The following SAR1B variants were observed in gnomAD, a reference collection of about 807,000 sequenced individuals.
SAR1B encodes secretion associated Ras related GTPase 1B, also known as small COPII coat GTPase SAR1B.
Under a neutral mutation model 26.8 loss-of-function variants are expected in SAR1B, and 23 were observed. The observed-to-expected ratio is 0.86, with a 90% CI of 0.62 to 1.22. The LOEUF (loss-of-function observed/expected upper bound fraction) is 1.22. Among genes scored for constraint, SAR1B ranks in the 50% most tolerant of loss-of-function variants. The pLI, the probability that SAR1B is intolerant of heterozygous loss-of-function variation, is 0.00. For missense variants in SAR1B, 196 were observed against 232.8 expected (o/e 0.84, Z 1.03); for synonymous variants, 65 against 80.8 (o/e 0.80, Z 1.05).
At chr5:134,615,119 TG>T in intron 3 of SAR1B, among the ~76,000 whole-genome samples, 1 of 149,598 alleles carries the variant, frequency 6.7e-6, no homozygotes, top group African/African-American at 2.5e-5. Flanking sequence ...GAGGCCGAGA[TG>T]GGCAGATCAC....
rs904262565 is a variant in SAR1B, at chr5:134,612,763, A to G, written c.179-7T>C. Reference sequence around the variant, plus strand: ...ATGGTCAGTTCTTCGGAAGCTAAATAAGATTTTAAAATATTTTTACATGAA... The same window carrying G: ...ATGGTCAGTTCTTCGGAAGCTAAATGAGATTTTAAAATATTTTTACATGAA... On this transcript the variant is annotated splice_polypyrimidine_tract_variant and splice_region_variant and intron_variant, in intron 3 of 6. Transcript: ENST00000402673. 2 of 1,588,812 alleles carry G rather than the reference A, an allele frequency of 1.3e-6. No homozygotes were observed. Among genetic ancestry groups the G allele is most frequent in the African/African-American group, 2.7e-5 (2 of 73,650 alleles).
chr5:134,624,627 T>TG (rs201834342), intron 1 of SAR1B, among the ~76,000 whole-genome samples: 639 of 30,234 alleles, frequency 0.021, 6 homozygotes, highest in African/African-American at 0.034. Context: ...GGAAGTGAGT[T>TG]TTTTTTTTTT....
chr5:134,618,616 C>T (rs1171033885), intron 3 of SAR1B, among the ~76,000 whole-genome samples: 3 of 152,220 alleles, frequency 2.0e-5, no homozygotes, highest in Non-Finnish European at 4.4e-5. Context: ...AATTAGGTTT[C>T]TGTTTCTAAT....
At chr5:134,612,429 G>A (rs183496984) in intron 4 of SAR1B, among the ~76,000 whole-genome samples, 341 of 151,996 alleles carry the variant, frequency 2.2e-3, no homozygotes, top group Non-Finnish European at 3.8e-3. Context: ...AAAACAAAGT[G>A]ACTGTAAGAG....
chr5:134,629,708 C>A (rs58687852), intron 1 of SAR1B, among the ~76,000 whole-genome samples: 4,243 of 146,848 alleles, frequency 0.029, 83 homozygotes, highest in African/African-American at 0.064. Context: ...AAAAAACAAA[C>A]AAACAAACAA....
rs1765043799 is a variant in SAR1B, at chr5:134,602,178, CA to C, written c.*4771del. On this transcript the variant is annotated 3_prime_UTR_variant, in exon 7 of 7. Coordinates refer to ENST00000402673, the MANE Select transcript of SAR1B (RefSeq NM_016103.4). ...TTTGGGGCAGGGGACACACCTGAAACAAAGTTGGCTTTGGATAACTTCGCTT... is the reference window on the plus strand; with the variant it reads ...TTTGGGGCAGGGGACACACCTGAAACAAGTTGGCTTTGGATAACTTCGCTT... 6.6e-6 allele frequency: 1 copy of C among 152,202 alleles called. No homozygotes were observed. The highest frequency in any genetic ancestry group is 1.5e-5 in the Non-Finnish European group (1 of 68,032). 9.4% of individuals were successfully genotyped at this position (152,202 alleles called of 1,614,324 possible). A position where few individuals can be genotyped will look rare whatever the true frequency, so the allele number is the denominator to read the frequency against.
chr5:134,608,592 T>C, intron 5 of SAR1B, 89 bp from the exon 6 acceptor site: 1 of 1,368,426 alleles, frequency 7.3e-7, no homozygotes, highest in Non-Finnish European at 1.0e-6. Flanking sequence ...AAAGGACTCA[T>C]TTTCTACCAT....
intron 1 of SAR1B, among the ~76,000 whole-genome samples, chr5:134,626,780 C>T (rs924897674): frequency 6.6e-6 from 1 of 152,058 alleles, no homozygotes; most frequent in Admixed American, 6.6e-5. Flanking sequence ...TAGTGGTTGT[C>T]AGACTGAAGG....
intron 3 of SAR1B, among the ~76,000 whole-genome samples, chr5:134,615,576 G>A (rs867867264): frequency 1.3e-4 from 20 of 151,932 alleles, no homozygotes; most frequent in African/African-American, 4.6e-4. Context: ...AGCACTTTGG[G>A]AGGCTGAGGC....
intron 3 of SAR1B, chr5:134,613,832 G>A: frequency 6.6e-6 from 1 of 152,108 alleles, no homozygotes; most frequent in East Asian, 1.9e-4. Context: ...GACTTCAGTT[G>A]CAGGTTTGTT....
chr5:134,622,446 T>C (rs1765426361), intron 2 of SAR1B, among the ~76,000 whole-genome samples: 2 of 150,082 alleles, frequency 1.3e-5, no homozygotes, highest in Non-Finnish European at 3.0e-5. Context: ...AGTCTCGCTC[T>C]GTCACCCAGG....
chr5:134,615,012 AGTTTTAGT>A (rs1441873360), intron 3 of SAR1B: 1 of 152,176 alleles, frequency 6.6e-6, no homozygotes, highest in East Asian at 1.9e-4. Context: ...TGACAACATA[AGTTTTAGT>A]GTAGCTACTT....
intron 5 of SAR1B, chr5:134,608,954 G>T: frequency 2.6e-6 from 1 of 378,120 alleles, no homozygotes; most frequent in South Asian, 2.0e-5. Context: ...CTCTGTCCTT[G>T]TTTTGTAACC....
intron 3 of SAR1B, chr5:134,618,322 A>C (rs1765348024): frequency 6.6e-6 from 1 of 152,192 alleles, no homozygotes; most frequent in Non-Finnish European, 1.5e-5. Flanking sequence ...ATCTCAAAAA[A>C]AATAAAAAGA....
intron 2 of SAR1B, among the ~76,000 whole-genome samples, chr5:134,621,840 G>A (rs1765413554): frequency 6.6e-6 from 1 of 152,160 alleles, no homozygotes; most frequent in South Asian, 2.1e-4. Flanking sequence ...GGGCTCAAGT[G>A]ATCCTCCCAC....
chr5:134,632,533 A>G (rs546185263), intron 1 of SAR1B, among the ~76,000 whole-genome samples, 195 bp downstream of exon 1: 1 of 152,326 alleles, frequency 6.6e-6, no homozygotes, highest in East Asian at 1.9e-4. Context: ...CTCGAGGGCT[A>G]TCAGACGGCC....
In SAR1B at chr5:134,607,090, G is replaced by A. The variant is rs375419997; in HGVS notation, c.481-24C>T. Reference sequence around the variant, plus strand: ...CCCTAGAATAGAAGAGAGACATTTCGTTGGAATTTTATAAAATTAATAAAG... The same window carrying A: ...CCCTAGAATAGAAGAGAGACATTTCATTGGAATTTTATAAAATTAATAAAG... On this transcript the variant is annotated intron_variant, in intron 6 of 6. Coordinates refer to ENST00000402673, the MANE Select transcript of SAR1B (RefSeq NM_016103.4). 313 of 1,444,178 alleles carry A rather than the reference G, an allele frequency of 2.2e-4. 1 individual carries two copies. Among genetic ancestry groups the A allele is most frequent in the Middle Eastern group, 1.7e-3 (10 of 5,740 alleles). 89.5% of individuals were successfully genotyped at this position (1,444,178 alleles called of 1,614,324 possible).
chr5:134,624,625 G>GT (rs66854508), intron 1 of SAR1B, among the ~76,000 whole-genome samples: 1,288 of 113,232 alleles, frequency 0.011, 14 homozygotes, highest in South Asian at 0.059. Context: ...AGGGAAGTGA[G>GT]TTTTTTTTTT....
In SAR1B at chr5:134,603,308, A is replaced by T. The variant is rs1332224041; in HGVS notation, c.*3642T>A. The T allele has an allele frequency of 3.9e-5, 6 of 152,212 alleles. No individual in the cohort carries two copies. Among genetic ancestry groups the T allele is most frequent in the Admixed American group, 3.9e-4 (6 of 15,272 alleles). The allele number at this position is 152,212 out of a possible 1,614,324, so 9.4% of individuals were successfully genotyped here. A position where few individuals can be genotyped will look rare whatever the true frequency, so the allele number is the denominator to read the frequency against. On this transcript the variant is annotated 3_prime_UTR_variant, in exon 7 of 7. Transcript: ENST00000402673. The stretch of plus-strand genomic sequence containing the variant: ...ACCAAATACAGTTTCAGAAAATGTA[A>T]ACCTTTCCCCTGAAACTCTCCAATC...
Sources: allele counts gnomAD v4.1 joint callset (sites outside exome capture counted in the v4.1 genomes callset), GRCh38; gene constraint gnomAD v4.1.1; transcripts MANE v1.5; gene names NCBI Gene and HGNC (gene_info 2026-07-23, HGNC 2026-07-21).